The following GMDS variants were observed in gnomAD, a reference collection of about 807,000 sequenced individuals.
GMDS encodes the protein GDP-mannose 4,6 dehydratase.
GMDS carries 20 observed loss-of-function variants against 49.9 expected under a neutral mutation model. The observed-to-expected ratio is 0.40, with a 90% CI of 0.28 to 0.58. The LOEUF is 0.58. Among genes scored for constraint, GMDS ranks in the 20% least tolerant of loss-of-function variants. The pLI is 0.42. For synonymous variants in GMDS, 177 were observed against 178.6 expected (o/e 0.99, Z 0.07); for missense variants, 362 against 481.4 (o/e 0.75, Z 2.32).
At chr6:2,122,741 A>G (rs7765134) in intron 2 of GMDS, among the ~76,000 whole-genome samples, 2,363 of 152,344 alleles carry the variant, frequency 0.016, 70 homozygotes, top group African/African-American at 0.054. Context: ...CACAATATGC[A>G]GAGAGCTCAC....
intron 4 of GMDS, among the ~76,000 whole-genome samples, chr6:2,030,236 T>C (rs1768869537): frequency 6.6e-6 from 1 of 152,140 alleles, no homozygotes; most frequent in East Asian, 1.9e-4. Context: ...TGGACAAAGA[T>C]AATATATGCC....
Position 2,100,292 on chromosome 6 carries a change from A to T in GMDS, c.345+15479T>A, listed in dbSNP as rs568414485. On this transcript the variant is annotated intron_variant, in intron 4 of 10. Coordinates refer to ENST00000380815, the MANE Select transcript of GMDS (RefSeq NM_001500.4). ...TTAAAGAAATGTAAATAAATTGCCA[A>T]TATAGTGAAATCGTCATTCCATGTG... 4.6e-3 allele frequency among the ~76,000 whole-genome samples: 697 copies of T among 152,224 alleles called. 1 individual carries two copies. Among genetic ancestry groups the T allele is most frequent in the Middle Eastern group, 0.01 (3 of 294 alleles).
chr6:2,079,794 G>T (rs1772566335), intron 4 of GMDS, among the ~76,000 whole-genome samples: 1 of 151,992 alleles, frequency 6.6e-6, no homozygotes. Flanking sequence ...TTCTTGCATT[G>T]TATATGTTTG....
In GMDS at chr6:1,778,576, A is replaced by G. The variant is rs1317823887; in HGVS notation, c.772-35990T>C. On this transcript the variant is annotated intron_variant, in intron 7 of 10. Coordinates refer to ENST00000380815, the MANE Select transcript of GMDS (RefSeq NM_001500.4). This position sits in a 1 kb window ranked among gnomAD's most constrained non-coding sequence, Gnocchi z 4.6. ...AAAACATGCCATAAAACAGAAATTT[A>G]GCCCAATGTCTCGAACTGCAGGATT... 6.6e-6 allele frequency among the ~76,000 whole-genome samples: 1 copy of G among 152,214 alleles called. No homozygotes were observed. Among genetic ancestry groups the G allele is most frequent in the Non-Finnish European group, 1.5e-5 (1 of 68,040 alleles).
At chr6:1,901,865 A>G (rs1372472345) in intron 7 of GMDS, among the ~76,000 whole-genome samples, 2 of 152,254 alleles carry the variant, frequency 1.3e-5, no homozygotes, top group Non-Finnish European at 2.9e-5. Context: ...AGGGAAACAC[A>G]TAAACAATAA....
chr6:1,798,562 A>G (rs1459937108), intron 7 of GMDS, among the ~76,000 whole-genome samples: 3 of 152,276 alleles, frequency 2.0e-5, no homozygotes, highest in African/African-American at 7.2e-5. Flanking sequence ...TGGAGGTAGA[A>G]GCGTGAGGCT....
At chr6:2,198,194 A>G (rs767819028) in intron 1 of GMDS, among the ~76,000 whole-genome samples, 3 of 152,242 alleles carry the variant, frequency 2.0e-5, no homozygotes, top group Non-Finnish European at 4.4e-5. Context: ...AACTTGCAGC[A>G]GGAGCTAAAG....
intron 7 of GMDS, among the ~76,000 whole-genome samples, chr6:1,794,297 T>A (rs1012622370): frequency 7.1e-6 from 1 of 140,450 alleles, no homozygotes; most frequent in Admixed American, 7.3e-5. Flanking sequence ...AGATATTCTC[T>A]AAAATAACTT....
rs150845643 is a variant in GMDS at position 2,225,574 on chromosome 6, C to G, written c.102+19747G>C. Among the ~76,000 whole-genome samples, 108 of 152,270 alleles carry G rather than the reference C, an allele frequency of 7.1e-4. 1 individual carries two copies. Among genetic ancestry groups the G allele is most frequent in the African/African-American group, 2.4e-3 (98 of 41,546 alleles). ...TTCTATGCAAATGACGAATCATTTG[C>G]CAACCCTTAGATTTTCCGGCTTGCA... On this transcript the variant is annotated intron_variant, in intron 1 of 10. Transcript: ENST00000380815.
Position 2,142,385 on chromosome 6 carries a change from G to A in GMDS, c.103-17654C>T, listed in dbSNP as rs1581705926. 2.0e-5 allele frequency among the ~76,000 whole-genome samples: 3 copies of A among 152,008 alleles called. No homozygotes were observed. The East Asian group carries it at 5.8e-4, about 29-fold the overall frequency. On this transcript the variant is annotated intron_variant, in intron 1 of 10. Transcript: ENST00000380815. ...AAGATTAGGTCATACTAAAGTAGGTGGCCCCTAATCCAATATGAGTGGTGT... is the reference window on the plus strand; with the variant it reads ...AAGATTAGGTCATACTAAAGTAGGTAGCCCCTAATCCAATATGAGTGGTGT...
chr6:1,890,147 C>CT, intron 7 of GMDS, among the ~76,000 whole-genome samples: 1 of 152,174 alleles, frequency 6.6e-6, no homozygotes, highest in East Asian at 1.9e-4. Context: ...CACCGAGAAA[C>CT]TGTCAAACTG....
At chr6:2,124,666 G>A (rs376082017) in intron 2 of GMDS, 21 bp downstream of exon 2, 52 of 1,604,784 alleles carry the variant, frequency 3.2e-5, no homozygotes, top group African/African-American at 6.7e-5. Flanking sequence ...GCCTGCGCCC[G>A]CTTCCCATTG....
At chr6:1,661,252 G>C (rs1316643740) in intron 9 of GMDS, among the ~76,000 whole-genome samples, 1 of 152,142 alleles carries the variant, frequency 6.6e-6, no homozygotes, top group Non-Finnish European at 1.5e-5. Flanking sequence ...ATAGATCCCT[G>C]AGTGGATTGC....
chr6:1,989,539 C>G (rs942170638), intron 4 of GMDS, among the ~76,000 whole-genome samples: 4 of 152,208 alleles, frequency 2.6e-5, no homozygotes, highest in Admixed American at 2.6e-4. Context: ...AGAAAATTCA[C>G]TCTGCAGATT....
chr6:1,966,305 C>T (rs568437655), intron 4 of GMDS, among the ~76,000 whole-genome samples: 20 of 148,692 alleles, frequency 1.3e-4, no homozygotes, highest in Admixed American at 4.0e-4. Flanking sequence ...TTTTCAGAGG[C>T]ATGCAGACCA....
At chr6:1,801,756 G>C (rs1485806672) in intron 7 of GMDS, among the ~76,000 whole-genome samples, 1 of 152,232 alleles carries the variant, frequency 6.6e-6, no homozygotes, top group Non-Finnish European at 1.5e-5. Flanking sequence ...GGGCCATAGA[G>C]GGTAGAAAAG....
intron 4 of GMDS, among the ~76,000 whole-genome samples, chr6:1,995,658 TAAG>T (rs2127370716): frequency 6.6e-6 from 1 of 152,326 alleles, no homozygotes; most frequent in African/African-American, 2.4e-5. Flanking sequence ...CTCTTTCTCC[TAAG>T]AAGAACCTTC....
chr6:1,943,165 C>A (rs1443306941), intron 6 of GMDS, among the ~76,000 whole-genome samples: 1 of 152,196 alleles, frequency 6.6e-6, no homozygotes, highest in Admixed American at 6.5e-5. Flanking sequence ...TGTGTGCAGA[C>A]CCCCCAGCAT....
chr6:2,150,906 A>G (rs558763220), intron 1 of GMDS, among the ~76,000 whole-genome samples: 1 of 152,320 alleles, frequency 6.6e-6, no homozygotes, highest in South Asian at 2.1e-4. Flanking sequence ...GCTAATTTGA[A>G]TATTTGGAAA....
Sources: gnomAD v4.1 joint callset for allele counts (sites outside exome capture counted in the v4.1 genomes callset) on GRCh38, gnomAD v4.1.1 for gene constraint, Gnocchi (gnomAD v3.1) non-coding constraint, MANE v1.5 for transcripts, NCBI Gene and HGNC (gene_info 2026-07-23, HGNC 2026-07-21) for gene names.